TUSC3: variants seen among roughly 807,000 people sequenced by gnomAD.
TUSC3 encodes dolichyl-diphosphooligosaccharide--protein glycosyltransferase subunit TUSC3.
Under a neutral mutation model 44.8 loss-of-function variants are expected in TUSC3, and 45 were observed. The observed-to-expected ratio is 1.00, with a 90% CI of 0.79 to 1.29. TUSC3 has a LOEUF of 1.29. Ranked by LOEUF, TUSC3 falls within the 50% of genes most tolerant of loss-of-function variation. TUSC3 has a pLI of 0.00. For synonymous variants in TUSC3, 212 were observed against 152.9 expected, an observed-to-expected ratio of 1.39 and a Z score of -2.85; for missense variants, 519 against 437.9, an observed-to-expected ratio of 1.19 and a Z score of -1.65.
chr8:15,639,887 C>T (rs1390280419), intron 2 of TUSC3, among the ~76,000 whole-genome samples: 1 of 146,032 alleles, frequency 6.8e-6, no homozygotes, highest in Non-Finnish European at 1.5e-5. Context: ...TTGTCTTTGT[C>T]ACCATAATAC....
At chr8:15,827,177 G>T in the TUSC3 span, among the ~76,000 whole-genome samples, 1 of 152,248 alleles carries the variant, frequency 6.6e-6, no homozygotes, top group Non-Finnish European at 1.5e-5. Context: ...CTACGTAACT[G>T]ATGGGGTACG....
intron 1 of TUSC3, among the ~76,000 whole-genome samples, chr8:15,431,168 C>G (rs1160546742): frequency 2.0e-5 from 3 of 151,580 alleles, no homozygotes; most frequent in African/African-American, 7.3e-5. Context: ...TATTCTTGGT[C>G]TATTGTGGTT....
intron 2 of TUSC3, among the ~76,000 whole-genome samples, chr8:15,635,233 T>G (rs1047923442): frequency 6.6e-6 from 1 of 152,182 alleles, no homozygotes; most frequent in Non-Finnish European, 1.5e-5. Flanking sequence ...TGATCATTTC[T>G]TAGGAAGCAG....
At chr8:15,666,029 A>G (rs879302426) in intron 5 of TUSC3, among the ~76,000 whole-genome samples, 3 of 151,556 alleles carry the variant, frequency 2.0e-5, no homozygotes, top group Non-Finnish European at 4.4e-5. Flanking sequence ...ATGATGGAGT[A>G]AAATATTGAA....
At chr8:15,850,799 A>G in the TUSC3 span, among the ~76,000 whole-genome samples, 1 of 152,246 alleles carries the variant, frequency 6.6e-6, no homozygotes, top group Admixed American at 6.5e-5. Flanking sequence ...AGTGTGCTAT[A>G]TATTGTGAAC....
the TUSC3 span, among the ~76,000 whole-genome samples, chr8:15,851,623 A>C: frequency 6.6e-6 from 1 of 151,978 alleles, no homozygotes; most frequent in Non-Finnish European, 1.5e-5. Flanking sequence ...TCTGACTTCA[A>C]CTCCTGAGAT....
intron 1 of TUSC3, among the ~76,000 whole-genome samples, chr8:15,583,663 C>G (rs1803473793): frequency 6.6e-6 from 1 of 152,112 alleles, no homozygotes; most frequent in Non-Finnish European, 1.5e-5. Flanking sequence ...GGATAGCAAG[C>G]TAATTTGTAC....
At chr8:15,631,667 GTTGTGT>G (rs1563143715) in intron 2 of TUSC3, among the ~76,000 whole-genome samples, 1 of 114,694 alleles carries the variant, frequency 8.7e-6, no homozygotes, top group East Asian at 2.5e-4. Flanking sequence ...GTTTAAGGCT[GTTGTGT>G]GTGTGTGTGT....
chr8:15,583,586 A>G (rs548940712), intron 1 of TUSC3, among the ~76,000 whole-genome samples: 3 of 152,308 alleles, frequency 2.0e-5, no homozygotes, highest in Admixed American at 1.3e-4. Context: ...TATGCATTCA[A>G]TGTAAGAAAG....
At chr8:15,425,853 T>A (rs375377241) in intron 1 of TUSC3, among the ~76,000 whole-genome samples, 112 of 152,196 alleles carry the variant, frequency 7.4e-4, no homozygotes, top group African/African-American at 2.6e-3. Flanking sequence ...AAACTCATAA[T>A]TAAAATAGAA....
At chr8:15,487,244 T>TTTTCA (rs1435198472) in intron 2 of TUSC3, among the ~76,000 whole-genome samples, 2 of 152,242 alleles carry the variant, frequency 1.3e-5, no homozygotes, top group African/African-American at 4.8e-5. Context: ...CTACTTAATC[T>TTTTCA]GAAAATATTA....
At chr8:15,530,342 A>G (rs1293387495) in intron 2 of TUSC3, among the ~76,000 whole-genome samples, 1 of 152,074 alleles carries the variant, frequency 6.6e-6, no homozygotes, top group African/African-American at 2.4e-5. Context: ...GGCATAGTGG[A>G]TAAGTTGATG....
At chr8:15,429,913 G>A (rs902941893) in intron 1 of TUSC3, among the ~76,000 whole-genome samples, 28 of 151,508 alleles carry the variant, frequency 1.8e-4, no homozygotes, top group Admixed American at 8.5e-4. Context: ...CACATACACC[G>A]TCCCAAGACT....
At position 15,582,057 on chromosome 8, in the gene TUSC3, C is replaced by A. The variant is rs565910350; in HGVS notation, c.139-41023C>A. ...TCTGAAAAGCGCAATATTCGGGTGG[C>A]AGTGACCCGATTTTCCAGGTGCGTC... On this transcript the variant is annotated intron_variant, in intron 1 of 10. Coordinates refer to ENST00000503731, the MANE Select transcript of TUSC3 (RefSeq NM_006765.4). Among the ~76,000 whole-genome samples, 3 of 152,056 alleles carry A rather than the reference C, an allele frequency of 2.0e-5. No homozygotes were observed. The East Asian group carries it at 5.8e-4, about 29-fold the overall frequency.
chr8:15,809,945 C>A, the TUSC3 span, among the ~76,000 whole-genome samples: 1 of 152,166 alleles, frequency 6.6e-6, no homozygotes, highest in African/African-American at 2.4e-5. Flanking sequence ...GGAGAATGCA[C>A]CTTGTTAAAC....
chr8:15,517,522 C>CAAAAAAAAAAAAAAAAAAAAAA (rs71211049), intron 2 of TUSC3, among the ~76,000 whole-genome samples: 2 of 77,574 alleles, frequency 2.6e-5, no homozygotes, highest in South Asian at 5.4e-4. Flanking sequence ...TAGCGTGAGG[C>CAAAAAAAAAAAAAAAAAAAAAA]AAAAAAAAAA....
At chr8:15,852,004 A>T in the TUSC3 span, among the ~76,000 whole-genome samples, 19 of 152,124 alleles carry the variant, frequency 1.2e-4, no homozygotes, top group Admixed American at 2.0e-4. Flanking sequence ...GCCATGTGAG[A>T]TGTGCCTTTT....
intron 6 of TUSC3, among the ~76,000 whole-genome samples, chr8:15,688,212 A>C (rs1210804099): frequency 1.9e-5 from 2 of 107,648 alleles, no homozygotes; most frequent in Non-Finnish European, 4.3e-5. Flanking sequence ...AAAGATACTC[A>C]TAATTATATA....
chr8:15,704,071 T>C (rs539550516), intron 6 of TUSC3, among the ~76,000 whole-genome samples: 37 of 152,140 alleles, frequency 2.4e-4, no homozygotes, highest in African/African-American at 8.9e-4. Flanking sequence ...GTAAATACTT[T>C]GAGAAAAGTA....
Sources: gnomAD v4.1 joint callset for allele counts (sites outside exome capture counted in the v4.1 genomes callset) on GRCh38, gnomAD v4.1.1 for gene constraint, MANE v1.5 for transcripts, NCBI Gene and HGNC (gene_info 2026-07-23, HGNC 2026-07-21) for gene names.